The following USP37 variants were observed in gnomAD, a reference collection of about 807,000 sequenced individuals.
USP37 encodes ubiquitin carboxyl-terminal hydrolase 37.
USP37 carries 27 observed loss-of-function variants against 124.0 expected under a neutral mutation model. That is an observed-to-expected ratio of 0.22 (90% CI 0.16 to 0.30). The LOEUF (loss-of-function observed/expected upper bound fraction) is 0.30, where lower values mean the gene tolerates loss of function less well. Among genes scored for constraint, USP37 ranks in the 10% least tolerant of loss-of-function variants. USP37 has a pLI of 1.00. For synonymous variants in USP37, 365 were observed against 388.0 expected (o/e 0.94, Z 0.70); for missense variants, 889 against 1,140.4 (o/e 0.78, Z 3.17).
rs754117276 is a variant in USP37, at chr2:218,474,797, G to C, written c.2132C>G (p.Ala711Gly). Reference sequence around the variant, plus strand: ...ATCTCTCTTACTTATCTCCAAGACAGCTGCTAGAAGCTCTTCTTCGCTCAT... The same window carrying C: ...ATCTCTCTTACTTATCTCCAAGACACCTGCTAGAAGCTCTTCTTCGCTCAT... ...DRMSEEELLAAVLEISKRDAS... is the reference protein window; with the variant it reads ...DRMSEEELLAGVLEISKRDAS... The change falls in exon 20 of 26, where the codon GCT becomes GGT. Residue 711 changes from alanine to glycine, a missense_variant. Physicochemically the swap from Ala to Gly is moderately conservative, Grantham distance 60. Coordinates refer to ENST00000258399, the MANE Select transcript of USP37 (RefSeq NM_020935.3). 14 of 1,614,028 alleles carry C rather than the reference G, an allele frequency of 8.7e-6. No homozygotes were observed. Among genetic ancestry groups the C allele is most frequent in the Non-Finnish European group, 1.2e-5 (14 of 1,180,034 alleles).
intron 4 of USP37, among the ~76,000 whole-genome samples, chr2:218,556,517 T>G (rs914165243): frequency 3.7e-5 from 5 of 136,892 alleles, no homozygotes; most frequent in African/African-American, 1.1e-4. Context: ...TTTTTTTTTT[T>G]TTTTTTTTTT....
intron 14 of USP37, among the ~76,000 whole-genome samples, chr2:218,493,459 T>A (rs944281280): frequency 6.6e-6 from 1 of 152,124 alleles, no homozygotes; most frequent in African/African-American, 2.4e-5. Context: ...AAGCTACTAC[T>A]CTGATATGGC....
At position 218,510,043 on chromosome 2, in the gene USP37, C is replaced by T. The variant is rs767201960; in HGVS notation, c.961G>A (p.Asp321Asn). 2.5e-6 allele frequency: 4 copies of T among 1,612,600 alleles called. No homozygotes were observed. The Admixed American group carries it at 6.7e-5, about 27-fold the overall frequency. The change falls in exon 11 of 26, where the codon GAT (aspartate) becomes AAT (asparagine). Residue 321 changes from aspartate (D) to asparagine (N), a missense_variant. Physicochemically the swap from Asp to Asn is conservative, Grantham distance 23 (BLOSUM62 1). Transcript: ENST00000258399. ...LSVKKLRCNQ[D>N]YTGWNKPRVP... Reference sequence around the variant, plus strand: ...CTTGGTTTATTCCAGCCAGTGTAATCCTGGTTACACCTCAGTTTTTTAACA... The same window carrying T: ...CTTGGTTTATTCCAGCCAGTGTAATTCTGGTTACACCTCAGTTTTTTAACA...
intron 8 of USP37, among the ~76,000 whole-genome samples, 177 bp from the exon 9 acceptor site, chr2:218,534,883 A>G (rs1428422937): frequency 6.6e-6 from 1 of 152,236 alleles, no homozygotes; most frequent in South Asian, 2.1e-4. Flanking sequence ...AATGAAAATT[A>G]CAAAAATAAT....
intron 16 of USP37, 117 bp downstream of exon 16, chr2:218,485,547 C>T (rs1691505508): frequency 8.6e-7 from 1 of 1,161,580 alleles, no homozygotes; most frequent in African/African-American, 1.6e-5. Flanking sequence ...ATTCTGGTAA[C>T]CTTCATTTAT....
chr2:218,479,511 G>C (rs1223179115), intron 18 of USP37, 139 bp downstream of exon 18: 3 of 676,760 alleles, frequency 4.4e-6, no homozygotes, highest in Middle Eastern at 2.6e-4. Flanking sequence ...ATTCAGGAAA[G>C]TTTCAAAAGT....
In USP37 at chr2:218,482,281, G is replaced by A. The variant is rs771339989; in HGVS notation, c.1671-47C>T. The A allele has an allele frequency of 1.7e-5, 26 of 1,557,354 alleles. No homozygotes were observed. In the African/African-American group the frequency reaches 1.9e-4, roughly 11 times the overall value. ...CCTTACTAATTCATACATAATACAT[G>A]TATCTTTCTTACAGTAAAAGAGATC... On this transcript the variant is annotated intron_variant, in intron 16 of 25. Coordinates refer to ENST00000258399, the MANE Select transcript of USP37 (RefSeq NM_020935.3).
At chr2:218,517,771 C>A (rs944908315) in intron 10 of USP37, among the ~76,000 whole-genome samples, 16 of 152,270 alleles carry the variant, frequency 1.1e-4, no homozygotes, top group African/African-American at 3.6e-4. Context: ...GGAAAATTCT[C>A]AGCCAATATC....
intron 21 of USP37, among the ~76,000 whole-genome samples, 164 bp from the exon 22 acceptor site, chr2:218,463,530 CTTTTTTTTTT>C (rs778154896): frequency 2.0e-5 from 2 of 99,098 alleles, no homozygotes; most frequent in African/African-American, 4.3e-5. Flanking sequence ...AAGTTCTTTA[CTTTTTTTTTT>C]TTTTTTTTTT....
At chr2:218,464,366 T>G (rs949829322) in intron 21 of USP37, among the ~76,000 whole-genome samples, 12 of 152,068 alleles carry the variant, frequency 7.9e-5, no homozygotes, top group African/African-American at 2.9e-4. Context: ...GCCTCCTTAC[T>G]AGTTGAGAAT....
At chr2:218,510,504 C>G (rs1159106008) in intron 10 of USP37, among the ~76,000 whole-genome samples, 1 of 152,154 alleles carries the variant, frequency 6.6e-6, no homozygotes, top group Non-Finnish European at 1.5e-5. Context: ...ACACAACAAA[C>G]ATTCTTACCC....
Position 218,476,919 on chromosome 2 carries a change from T to C in USP37, c.1964A>G (p.Glu655Gly). The C allele has an allele frequency of 6.2e-7, 1 of 1,609,514 alleles. No homozygotes were observed. The highest frequency in any genetic ancestry group is 8.5e-7 in the Non-Finnish European group (1 of 1,178,116). ...GCTGAGGGCCACAGAACGTTTTAGCTCATCCTCACTGTCTGAATCAAGGCA... is the reference window on the plus strand; with the variant it reads ...GCTGAGGGCCACAGAACGTTTTAGCCCATCCTCACTGTCTGAATCAAGGCA... The part of the protein sequence containing the change: ...ALCLDSDSED[E>G]LKRSVALSQR... The change falls in exon 19 of 26, where the codon GAG (glutamate) becomes GGG (glycine). Residue 655 changes from glutamate to glycine, a missense_variant. Transcript: ENST00000258399.
intron 22 of USP37, among the ~76,000 whole-genome samples, chr2:218,462,433 GA>G (rs1690066284): frequency 6.6e-6 from 1 of 152,192 alleles, no homozygotes; most frequent in Non-Finnish European, 1.5e-5. Flanking sequence ...AGCTGTTTGA[GA>G]AACAGATTCC....
intron 11 of USP37, chr2:218,500,825 AG>A (rs918862904): frequency 3.9e-5 from 6 of 151,962 alleles, no homozygotes; most frequent in African/African-American, 1.5e-4. Flanking sequence ...AGTTTCTAGC[AG>A]GGGAGTGCAG....
intron 11 of USP37, among the ~76,000 whole-genome samples, chr2:218,500,078 C>T (rs1403627183): frequency 2.0e-5 from 3 of 149,766 alleles, no homozygotes; most frequent in Non-Finnish European, 3.0e-5. Context: ...CTGTTTTTTT[C>T]GTTTTTTCTT....
intron 11 of USP37, among the ~76,000 whole-genome samples, chr2:218,506,518 T>C (rs1255379407): frequency 2.0e-5 from 3 of 151,718 alleles, no homozygotes; most frequent in Non-Finnish European, 4.4e-5. Context: ...CTCGAACTCC[T>C]GACCTCAGGC....
At chr2:218,456,993 G>T in intron 24 of USP37, 99 bp downstream of exon 24, 1 of 1,217,856 alleles carries the variant, frequency 8.2e-7, no homozygotes, top group Non-Finnish European at 1.1e-6. Context: ...AAAAGAAAAA[G>T]AAAAACACAC....
intron 1 of USP37, among the ~76,000 whole-genome samples, chr2:218,567,302 A>G (rs1031983916): frequency 6.6e-6 from 1 of 152,064 alleles, no homozygotes; most frequent in Non-Finnish European, 1.5e-5. Flanking sequence ...ATCCTCCTCT[A>G]TTGGTTATTA....
At chr2:218,458,385 A>C (rs1214782082) in intron 23 of USP37, among the ~76,000 whole-genome samples, 1 of 151,896 alleles carries the variant, frequency 6.6e-6, no homozygotes, top group Admixed American at 6.6e-5. Flanking sequence ...TGGCCTAGCC[A>C]ACATGGTGAA....
Sources: gnomAD v4.1 joint callset for allele counts (sites outside exome capture counted in the v4.1 genomes callset) on GRCh38, gnomAD v4.1.1 for gene constraint, MANE v1.5 for transcripts, NCBI Gene and HGNC (gene_info 2026-07-23, HGNC 2026-07-21) for gene names.